The following SNX13 variants were observed in gnomAD, a reference collection of about 807,000 sequenced individuals.
The protein encoded by SNX13 is sorting nexin 13.
Under a neutral mutation model 133.6 loss-of-function variants are expected in SNX13, and 45 were observed. The ratio of observed to expected loss-of-function variants is 0.34; its 90% confidence interval spans 0.27 to 0.43. The LOEUF (loss-of-function observed/expected upper bound fraction) is 0.43, where lower values mean the gene tolerates loss of function less well. SNX13 is among the 20% of genes least tolerant of loss of function. The probability of loss-of-function intolerance (pLI) is 1.00; values close to 1 mark genes in which losing one functional copy is unlikely to be tolerated. For missense variants in SNX13, 1,032 were observed against 1,145.1 expected (o/e 0.90, Z 1.43); for synonymous variants, 414 against 373.9 (o/e 1.11, Z -1.24).
intron 20 of SNX13, among the ~76,000 whole-genome samples, chr7:17,806,864 TCCTTC>T (rs1166047683): frequency 6.6e-6 from 1 of 152,198 alleles, no homozygotes; most frequent in East Asian, 1.9e-4. Flanking sequence ...GTCAGGGAAC[TCCTTC>T]CCTAGCCAAG....
At chr7:17,865,372 A>G (rs1274180719) in intron 9 of SNX13, among the ~76,000 whole-genome samples, 3 of 152,206 alleles carry the variant, frequency 2.0e-5, no homozygotes, top group South Asian at 2.1e-4. Context: ...GAAAACAAGA[A>G]AAGTAATCCC....
chr7:17,869,699 T>C (rs1793833598), intron 8 of SNX13, among the ~76,000 whole-genome samples: 1 of 152,298 alleles, frequency 6.6e-6, no homozygotes, highest in South Asian at 2.1e-4. Flanking sequence ...TGAAATGTCT[T>C]TGGAGACACT....
In SNX13 at chr7:17,834,917, G is replaced by A. The variant is rs530324390; in HGVS notation, c.1360-52C>T. 236 of 1,033,080 alleles carry A rather than the reference G, an allele frequency of 2.3e-4. No individual in the cohort carries two copies. The Admixed American group carries it at 4.7e-3, about 21-fold the overall frequency. 64.0% of individuals were successfully genotyped at this position (1,033,080 alleles called of 1,614,324 possible). On this transcript the variant is annotated intron_variant, in intron 13 of 25. Transcript: ENST00000428135. ...TCTCTGTAATTTCTTAATACAAGAT[G>A]ATACTTGATAGTATGATAATAATGG...
chr7:17,881,215 T>C (rs1219635874), intron 5 of SNX13: 4 of 146,288 alleles, frequency 2.7e-5, no homozygotes, highest in Admixed American at 7.0e-5. Flanking sequence ...AATGTGTAGG[T>C]ATACATAGAC....
intron 12 of SNX13, among the ~76,000 whole-genome samples, chr7:17,844,595 C>T (rs563160230): frequency 2.6e-4 from 39 of 151,992 alleles, no homozygotes; most frequent in South Asian, 1.7e-3. Context: ...AAAGATAGTA[C>T]AAGAAAACTA....
At chr7:17,885,785 G>T (rs1224125613) in intron 5 of SNX13, among the ~76,000 whole-genome samples, 1 of 152,190 alleles carries the variant, frequency 6.6e-6, no homozygotes, top group Non-Finnish European at 1.5e-5. Flanking sequence ...CCGAGATCGT[G>T]CCACTGCACT....
chr7:17,822,759 C>T (rs1026086923), intron 17 of SNX13, among the ~76,000 whole-genome samples: 1 of 152,138 alleles, frequency 6.6e-6, no homozygotes, highest in Non-Finnish European at 1.5e-5. Context: ...TCACATTGAA[C>T]AGTGTCAAGT....
chr7:17,866,254 T>C (rs1171717626), intron 9 of SNX13, among the ~76,000 whole-genome samples: 1 of 124,598 alleles, frequency 8.0e-6, no homozygotes, highest in African/African-American at 3.1e-5. Flanking sequence ...GACAAAGAAA[T>C]AATAACCAGA....
chr7:17,874,522 C>A (rs556802787), intron 7 of SNX13, among the ~76,000 whole-genome samples: 1 of 151,956 alleles, frequency 6.6e-6, no homozygotes, highest in Non-Finnish European at 1.5e-5. Context: ...TGCTAATAAA[C>A]TGGCCATTAA....
chr7:17,802,168 C>G (rs1440532807), intron 21 of SNX13, among the ~76,000 whole-genome samples: 1 of 151,948 alleles, frequency 6.6e-6, no homozygotes, highest in Admixed American at 6.6e-5. Flanking sequence ...ACTATATAGC[C>G]TAGGTGAGAA....
At chr7:17,897,742 C>T in intron 1 of SNX13, 1 of 183,992 alleles carries the variant, frequency 5.4e-6, no homozygotes, top group East Asian at 1.4e-4. Context: ...TAAATGAAAT[C>T]CTAGCATGAG....
At chr7:17,813,300 T>C (rs1427590927) in intron 20 of SNX13, among the ~76,000 whole-genome samples, 3 of 152,266 alleles carry the variant, frequency 2.0e-5, no homozygotes, top group African/African-American at 7.2e-5. Context: ...ATAAAAAACA[T>C]GGAACACTAA....
At chr7:17,822,934 T>C (rs945184913) in intron 17 of SNX13, among the ~76,000 whole-genome samples, 1 of 152,182 alleles carries the variant, frequency 6.6e-6, no homozygotes, top group Non-Finnish European at 1.5e-5. Flanking sequence ...ACAGATACCA[T>C]TTCCAGTCAT....
At chr7:17,796,085 G>A (rs1301127369) in intron 25 of SNX13, 1 of 151,556 alleles carries the variant, frequency 6.6e-6, no homozygotes, top group Non-Finnish European at 1.5e-5. Context: ...AAGACATGCA[G>A]GCATTTTCAA....
At chr7:17,916,789 G>C (rs1171553795) in intron 1 of SNX13, among the ~76,000 whole-genome samples, 9 of 151,890 alleles carry the variant, frequency 5.9e-5, no homozygotes, top group African/African-American at 2.2e-4. Flanking sequence ...ACTAGGAGGA[G>C]GGATTCCTCC....
intron 9 of SNX13, among the ~76,000 whole-genome samples, chr7:17,863,682 G>A (rs939422300): frequency 2.6e-5 from 4 of 152,214 alleles, no homozygotes; most frequent in African/African-American, 9.6e-5. Context: ...CAGCCAGGCA[G>A]CAGTGGCCAC....
At chr7:17,834,738 A>G (rs767796252) in intron 14 of SNX13, 23 bp downstream of exon 14, 1 of 1,433,544 alleles carries the variant, frequency 7.0e-7, no homozygotes, top group East Asian at 2.3e-5. Context: ...AGATAAAATG[A>G]TAAATGCTGT....
chr7:17,877,076 A>C (rs532597390), intron 5 of SNX13, among the ~76,000 whole-genome samples: 4 of 150,616 alleles, frequency 2.7e-5, no homozygotes, highest in African/African-American at 4.9e-5. Context: ...AAAGCCTTAA[A>C]GAGTCAGTAT....
chr7:17,900,619 G>A (rs975552008), intron 1 of SNX13, among the ~76,000 whole-genome samples: 1 of 152,154 alleles, frequency 6.6e-6, no homozygotes. Flanking sequence ...GGCAAGTACT[G>A]CCTGGCTACC....
Sources: gnomAD v4.1 joint callset for allele counts (sites outside exome capture counted in the v4.1 genomes callset) on GRCh38, gnomAD v4.1.1 for gene constraint, MANE v1.5 for transcripts, NCBI Gene and HGNC (gene_info 2026-07-23, HGNC 2026-07-21) for gene names.